Variants in MCUR1 observed in about 807,000 individuals in gnomAD.
The protein encoded by MCUR1 is MCU regulator 1.
In MCUR1, 37 loss-of-function variants were observed where a neutral mutation model predicts 42.0. The observed-to-expected ratio is 0.88, with a 90% confidence interval of 0.68 to 1.16. The LOEUF is 1.16. Ranked by LOEUF, MCUR1 falls within the 50% of genes most tolerant of loss-of-function variation. MCUR1 has a pLI of 0.00. For synonymous variants in MCUR1, 229 were observed against 196.2 expected (o/e 1.17, Z -1.40); for missense variants, 469 against 468.4 (o/e 1.00, Z -0.01).
In MCUR1 at chr6:13,801,281, GT is replaced by G; in HGVS notation, c.741+6del. The G allele has an allele frequency of 6.3e-7, 1 of 1,586,266 alleles. No individual in the cohort carries two copies. The highest frequency in any genetic ancestry group is 8.6e-7 in the Non-Finnish European group (1 of 1,156,222). ...CAACTTTCTAAGTGTGAGAGGCTCT[GT>G]TTTACCTCATTTTCTGCTCTGAGGG... On this transcript the variant is annotated splice_donor_region_variant and intron_variant, in intron 4 of 8. Transcript: ENST00000379170.
intron 5 of MCUR1, 78 bp downstream of exon 5, chr6:13,800,262 AC>A: frequency 1.1e-6 from 1 of 945,724 alleles, no homozygotes; most frequent in South Asian, 1.7e-5. Context: ...GTTTTTAAAA[AC>A]ATCCATTTCT....
intron 1 of MCUR1, among the ~76,000 whole-genome samples, chr6:13,807,920 A>G (rs539217026): frequency 1.6e-4 from 24 of 152,112 alleles, no homozygotes; most frequent in Admixed American, 1.6e-3. Context: ...GGCCATTTGG[A>G]TATCTTCTTT....
rs1455209834 is a variant in MCUR1 at position 13,788,726 on chromosome 6, G to A, written c.*2083C>T. ...CTCTCTGAAAGGGGGATGATATATT[G>A]ATAAAATATTTTATTAATCAGTTAA... is the stretch of plus-strand genomic sequence containing the variant. On this transcript the variant is annotated 3_prime_UTR_variant, in exon 9 of 9. Transcript: ENST00000379170. 2 of 152,088 alleles carry A rather than the reference G, an allele frequency of 1.3e-5. No individual in the cohort carries two copies. Among genetic ancestry groups the A allele is most frequent in the Non-Finnish European group, 2.9e-5 (2 of 68,024 alleles). The allele number at this position is 152,088 out of a possible 1,614,324, so 9.4% of individuals were successfully genotyped here. A position where few individuals can be genotyped will look rare whatever the true frequency, so the allele number is the denominator to read the frequency against.
chr6:13,805,704 G>C (rs1039848320), intron 2 of MCUR1, among the ~76,000 whole-genome samples: 9 of 152,098 alleles, frequency 5.9e-5, no homozygotes, highest in African/African-American at 2.2e-4. Flanking sequence ...TGTACAACTG[G>C]ACAAATAACT....
rs1760333867 is a variant in MCUR1, at chr6:13,814,515, A to G, written c.-86T>C. 5 of 1,301,472 alleles carry G rather than the reference A, an allele frequency of 3.8e-6. No homozygotes were observed. The South Asian group carries it at 7.7e-5, about 20-fold the overall frequency. The allele number at this position is 1,301,472 out of a possible 1,614,324, so 80.6% of individuals were successfully genotyped here. ...GCGCGGTCCAGGCCCAGAGTCCGACAGCGGGAGCGAGCGTGGGCCACAGCG... is the reference window on the plus strand; with the variant it reads ...GCGCGGTCCAGGCCCAGAGTCCGACGGCGGGAGCGAGCGTGGGCCACAGCG... On this transcript the variant is annotated 5_prime_UTR_variant, in exon 1 of 9. Coordinates refer to ENST00000379170, the MANE Select transcript of MCUR1 (RefSeq NM_001031713.4).
intron 8 of MCUR1, 148 bp downstream of exon 8, chr6:13,791,730 C>A (rs1759731286): frequency 1.8e-6 from 1 of 569,252 alleles, no homozygotes; most frequent in Non-Finnish European, 3.0e-6. Flanking sequence ...ACTTCATCTA[C>A]TGGAAATTGT....
In MCUR1 at chr6:13,801,359, T is replaced by A; in HGVS notation, c.670A>T (p.Ile224Phe). Residue 224 changes from isoleucine (I) to phenylalanine (F), a missense_variant, in exon 4 of 9, where the codon ATT becomes TTT. By Grantham distance (21) the Ile-to-Phe change is conservative. Transcript: ENST00000379170. ...ATCATATCCTTTTTCACATTCGCAA[T>A]CTGAGACATTACTTGCTGAAAAGTG... is the stretch of plus-strand genomic sequence containing the variant. ...EITFQQVMSQ[I>F]ANVKKDMIIL... The A allele has an allele frequency of 6.2e-7, 1 of 1,612,398 alleles. No individual in the cohort carries two copies. Among genetic ancestry groups the A allele is most frequent in the Non-Finnish European group, 8.5e-7 (1 of 1,179,688 alleles).
At chr6:13,807,996 T>G (rs1196967782) in intron 1 of MCUR1, among the ~76,000 whole-genome samples, 1 of 152,200 alleles carries the variant, frequency 6.6e-6, no homozygotes, top group Non-Finnish European at 1.5e-5. Flanking sequence ...TGTTGAAAAC[T>G]TAATCCCCAA....
rs1759695543 is a variant in MCUR1 at position 13,790,074 on chromosome 6, T to C, written c.*735A>G. 1 of 152,204 alleles carries C rather than the reference T, an allele frequency of 6.6e-6. No homozygotes were observed. The highest frequency in any genetic ancestry group is 2.1e-4 in the South Asian group (1 of 4,830). 9.4% of individuals were successfully genotyped at this position (152,204 alleles called of 1,614,324 possible). A position where few individuals can be genotyped will look rare whatever the true frequency, so the allele number is the denominator to read the frequency against. Reference sequence around the variant, plus strand: ...CTAGCTCATGTTAAAGACTGGTTATTTAGGTAAAGAGGATCTGGTGCTCTT... The same window carrying C: ...CTAGCTCATGTTAAAGACTGGTTATCTAGGTAAAGAGGATCTGGTGCTCTT... On this transcript the variant is annotated 3_prime_UTR_variant, in exon 9 of 9. Transcript: ENST00000379170.
chr6:13,793,770 A>T (rs1759789246), intron 7 of MCUR1, 124 bp downstream of exon 7: 1 of 773,262 alleles, frequency 1.3e-6, no homozygotes, highest in Admixed American at 2.2e-5. Flanking sequence ...TTTTAGCACA[A>T]TGTAAAAAAT....
In MCUR1 at chr6:13,814,122, G is replaced by C. The variant is rs1760306439; in HGVS notation, c.308C>G (p.Pro103Arg). The C allele has an allele frequency of 2.4e-6, 3 of 1,258,550 alleles. No individual in the cohort carries two copies. Among genetic ancestry groups the C allele is most frequent in the Non-Finnish European group, 3.0e-6 (3 of 1,006,040 alleles). The allele number at this position is 1,258,550 out of a possible 1,614,324, so 78.0% of individuals were successfully genotyped here. A position where few individuals can be genotyped will look rare whatever the true frequency, so the allele number is the denominator to read the frequency against. ...ERSRLGYAAPPAGRSSAWRCS... is the reference protein window; with the variant it reads ...ERSRLGYAAPRAGRSSAWRCS... ...CCTCCACGCGCTGCTGCGCCCGGCC[G>C]GGGGTGCGGCATACCCGAGGCGCGA... Residue 103 changes from proline (P) to arginine (R), a missense_variant, in exon 1 of 9, where the codon CCG becomes CGG. Transcript: ENST00000379170.
chr6:13,802,157 T>C, intron 3 of MCUR1, 86 bp downstream of exon 3: 1 of 1,045,918 alleles, frequency 9.6e-7, no homozygotes, highest in Non-Finnish European at 1.4e-6. Context: ...AACGGGGTAT[T>C]ATCCAAAAAA....
chr6:13,794,360 T>G (rs992847704), intron 6 of MCUR1, among the ~76,000 whole-genome samples: 3 of 152,166 alleles, frequency 2.0e-5, no homozygotes, highest in Non-Finnish European at 2.9e-5. Flanking sequence ...CTCCCACTAT[T>G]GTAGTAGCAC....
In MCUR1 at chr6:13,787,843, T is replaced by C. The variant is rs1051673066; in HGVS notation, c.*2966A>G. 1.3e-5 allele frequency: 2 copies of C among 152,142 alleles called. No individual in the cohort carries two copies. The highest frequency in any genetic ancestry group is 2.1e-4 in the South Asian group (1 of 4,832). The allele number at this position is 152,142 out of a possible 1,614,324, so 9.4% of individuals were successfully genotyped here. On this transcript the variant is annotated 3_prime_UTR_variant, in exon 9 of 9. Transcript: ENST00000379170. ...TAATCTGAATCCTTATAAGCCAGGG[T>C]AGCTCAGGAGGTTCTATTTACTTAT...
At position 13,814,088 on chromosome 6, in the gene MCUR1, C is replaced by T; in HGVS notation, c.342G>A (p.Pro114=). 1.6e-6 allele frequency: 2 copies of T among 1,239,522 alleles called. No homozygotes were observed. The highest frequency in any genetic ancestry group is 2.0e-6 in the Non-Finnish European group (2 of 994,238). The allele number at this position is 1,239,522 out of a possible 1,614,324, so 76.8% of individuals were successfully genotyped here. The part of the protein sequence containing the change: ...AGRSSAWRCS[P]GVAAAAGALP... ...GGGCGCCGGCGGCAGCGGCGACGCC[C>T]GGTGAGCACCTCCACGCGCTGCTGC... The change falls in exon 1 of 9, where the codon CCG becomes CCA. Residue 114 remains proline, a synonymous_variant. Transcript: ENST00000379170.
chr6:13,806,405 GTCATAGGAA>G (rs1263171486), intron 2 of MCUR1, among the ~76,000 whole-genome samples: 2 of 152,248 alleles, frequency 1.3e-5, no homozygotes, highest in African/African-American at 4.8e-5. Context: ...AGACACTGTT[GTCATAGGAA>G]TCATTCCTCA....
intron 6 of MCUR1, among the ~76,000 whole-genome samples, chr6:13,794,362 T>C (rs1759808198): frequency 6.6e-6 from 1 of 152,170 alleles, no homozygotes; most frequent in African/African-American, 2.4e-5. Context: ...CCCACTATTG[T>C]AGTAGCACTC....
chr6:13,801,105 C>A (rs1584986294), intron 4 of MCUR1, among the ~76,000 whole-genome samples, 183 bp downstream of exon 4: 1 of 152,204 alleles, frequency 6.6e-6, no homozygotes, highest in East Asian at 1.9e-4. Flanking sequence ...GCAGGAGCAA[C>A]TGAGAGGCAT....
At chr6:13,810,214 T>A (rs942981484) in intron 1 of MCUR1, among the ~76,000 whole-genome samples, 18 of 151,714 alleles carry the variant, frequency 1.2e-4, no homozygotes, top group Non-Finnish European at 2.4e-4. Flanking sequence ...AAAAAAAAAA[T>A]TAATTAAAAA....
Sources: gnomAD v4.1 joint callset for allele counts (sites outside exome capture counted in the v4.1 genomes callset) on GRCh38, gnomAD v4.1.1 for gene constraint, MANE v1.5 for transcripts, NCBI Gene and HGNC (gene_info 2026-07-23, HGNC 2026-07-21) for gene names.